The following ELF2 variants were observed in gnomAD, a reference collection of about 807,000 sequenced individuals.
ELF2 encodes the protein ETS-related transcription factor Elf-2.
In ELF2, 11 loss-of-function variants were observed where a neutral mutation model predicts 54.8. That is an observed-to-expected ratio of 0.20 (90% CI 0.13 to 0.33). The LOEUF (loss-of-function observed/expected upper bound fraction) is 0.33. Among genes scored for constraint, ELF2 ranks in the 10% least tolerant of loss-of-function variants. The pLI is 1.00. For synonymous variants in ELF2, 203 were observed against 245.1 expected, an observed-to-expected ratio of 0.83 and a Z score of 1.61; for missense variants, 513 against 703.0, an observed-to-expected ratio of 0.73 and a Z score of 3.06.
intron 4 of ELF2, among the ~76,000 whole-genome samples, chr4:139,103,316 T>C (rs1166131435): frequency 6.6e-6 from 1 of 152,134 alleles, no homozygotes; most frequent in Non-Finnish European, 1.5e-5. Flanking sequence ...TGGCAGCCCC[T>C]AGGTATCTTC....
At chr4:139,160,753 G>T (rs372968794) in intron 1 of ELF2, among the ~76,000 whole-genome samples, 1 of 151,924 alleles carries the variant, frequency 6.6e-6, no homozygotes, top group South Asian at 2.1e-4. Context: ...ACTTGAGATC[G>T]GGAGTTTGAG....
chr4:139,170,585 G>A (rs1742194253), intron 1 of ELF2, among the ~76,000 whole-genome samples: 1 of 150,054 alleles, frequency 6.7e-6, no homozygotes, highest in Non-Finnish European at 1.5e-5. Flanking sequence ...GCAATGAAAA[G>A]ACCAGCAACA....
chr4:139,124,454 T>C (rs572967639), intron 4 of ELF2, among the ~76,000 whole-genome samples: 150 of 152,194 alleles, frequency 9.9e-4, no homozygotes, highest in Non-Finnish European at 1.3e-3. Context: ...TTTACTAGGA[T>C]TAAACAACAA....
At chr4:139,121,095 ATTTTTTTTTTTTTTTTTT>A (rs10711256) in intron 4 of ELF2, among the ~76,000 whole-genome samples, 5 of 65,088 alleles carry the variant, frequency 7.7e-5, no homozygotes, top group Admixed American at 3.8e-4. Flanking sequence ...TATAACACAG[ATTTTTTTTTTTTTTTTTT>A]TTTTTTTTTT....
intron 3 of ELF2, among the ~76,000 whole-genome samples, chr4:139,127,264 T>C (rs899150971): frequency 1.3e-5 from 2 of 152,216 alleles, no homozygotes; most frequent in African/African-American, 4.8e-5. Context: ...GTTCTTCATG[T>C]GACCATATAC....
intron 4 of ELF2, chr4:139,084,287 C>T: frequency 1.2e-6 from 2 of 1,600,840 alleles, no homozygotes; most frequent in Non-Finnish European, 1.7e-6. Context: ...AGACACACGC[C>T]GTGCGACCGA....
Position 139,125,145 on chromosome 4 carries a change from C to G in ELF2, c.238+19G>C. The G allele has an allele frequency of 6.3e-7, 1 of 1,588,090 alleles. No individual in the cohort carries two copies. Among genetic ancestry groups the G allele is most frequent in the South Asian group, 1.2e-5 (1 of 86,870 alleles). On this transcript the variant is annotated intron_variant, in intron 4 of 9. Transcript: ENST00000686138. The stretch of plus-strand genomic sequence containing the variant: ...AAATGAGAAAGTTATAAATAATGAA[C>G]ATTTTATGAGATGTCTACCTGTTTC...
At chr4:139,149,759 G>A (rs188442124) in intron 1 of ELF2, among the ~76,000 whole-genome samples, 71 of 152,096 alleles carry the variant, frequency 4.7e-4, no homozygotes, top group African/African-American at 1.6e-3. Context: ...AATTCTACAT[G>A]GGCAAATACC....
At chr4:139,161,816 C>T (rs186094740) in intron 1 of ELF2, among the ~76,000 whole-genome samples, 6 of 152,008 alleles carry the variant, frequency 3.9e-5, no homozygotes, top group Admixed American at 2.6e-4. Context: ...ACTAAAAATA[C>T]AAAATTAGGC....
At chr4:139,142,089 G>C (rs1319617456) in intron 1 of ELF2, among the ~76,000 whole-genome samples, 4 of 152,138 alleles carry the variant, frequency 2.6e-5, no homozygotes, top group African/African-American at 9.7e-5. Flanking sequence ...TTACACTGCA[G>C]AGGAGAGAGA....
At chr4:139,132,985 C>G (rs114441888) in intron 3 of ELF2, among the ~76,000 whole-genome samples, 4,043 of 151,280 alleles carry the variant, frequency 0.027, 97 homozygotes, top group African/African-American at 0.064. Flanking sequence ...TCCGCCTCCC[C>G]CAATCTCGGC....
chr4:139,177,433 C>G (rs1290684939), upstream of ELF2, among the ~76,000 whole-genome samples: 2 of 151,888 alleles, frequency 1.3e-5, no homozygotes, highest in African/African-American at 4.8e-5. Flanking sequence ...GCTATTTATA[C>G]CCCGCGGGGC....
chr4:139,137,593 T>C (rs1267946984), intron 3 of ELF2, 37 bp downstream of exon 3: 6 of 1,598,944 alleles, frequency 3.8e-6, no homozygotes, highest in Admixed American at 1.7e-5. Flanking sequence ...CAAATTTCTA[T>C]GAAGAAAATA....
intron 4 of ELF2, among the ~76,000 whole-genome samples, chr4:139,119,846 C>T (rs1022669481): frequency 1.3e-5 from 2 of 152,014 alleles, no homozygotes; most frequent in African/African-American, 4.8e-5. Flanking sequence ...ATGATCTCAG[C>T]TCACTGCAAC....
intron 4 of ELF2, among the ~76,000 whole-genome samples, chr4:139,098,625 C>T (rs1338450622): frequency 5.9e-5 from 9 of 152,194 alleles, no homozygotes; most frequent in South Asian, 2.1e-4. Context: ...CCTGCCACCG[C>T]GCCCGGCTAA....
At chr4:139,073,712 A>T in intron 4 of ELF2, 145 bp from the exon 5 acceptor site, 1 of 405,954 alleles carries the variant, frequency 2.5e-6, no homozygotes. Flanking sequence ...TAAGCCATTG[A>T]TATCTATTCG....
intron 4 of ELF2, among the ~76,000 whole-genome samples, chr4:139,076,484 T>C (rs927552125): frequency 6.6e-6 from 1 of 152,164 alleles, no homozygotes; most frequent in Non-Finnish European, 1.5e-5. Context: ...AAATTTATTC[T>C]AGCAAGCATT....
chr4:139,161,127 T>A (rs1017250891), intron 1 of ELF2, among the ~76,000 whole-genome samples: 3 of 152,214 alleles, frequency 2.0e-5, no homozygotes, highest in African/African-American at 7.2e-5. Context: ...CAGCCAGAAA[T>A]TCCTTGAGGA....
intron 1 of ELF2, among the ~76,000 whole-genome samples, chr4:139,173,290 CT>C (rs1742513573): frequency 6.6e-6 from 1 of 151,920 alleles, no homozygotes; most frequent in Non-Finnish European, 1.5e-5. Context: ...AAGTCAAAAG[CT>C]AATTTATTAA....
Sources: allele counts gnomAD v4.1 joint callset (sites outside exome capture counted in the v4.1 genomes callset), GRCh38; gene constraint gnomAD v4.1.1; transcripts MANE v1.5; gene names NCBI Gene and HGNC (gene_info 2026-07-23, HGNC 2026-07-21).